The following GATA3 variants were observed in gnomAD, a reference collection of about 807,000 sequenced individuals.
The protein encoded by GATA3 is trans-acting T-cell-specific transcription factor GATA-3.
GATA3 carries 6 observed loss-of-function variants against 36.0 expected under a neutral mutation model. The observed-to-expected ratio is 0.17, with a 90% CI of 0.09 to 0.33. The LOEUF (loss-of-function observed/expected upper bound fraction) is 0.33, where lower values mean the gene tolerates loss of function less well. Among genes scored for constraint, GATA3 ranks in the 10% least tolerant of loss-of-function variants. GATA3 has a pLI of 1.00. For synonymous variants in GATA3, 326 were observed against 273.0 expected (o/e 1.19, Z -1.92); for missense variants, 514 against 610.1 (o/e 0.84, Z 1.66).
rs991151861 is a variant in GATA3, at chr10:8,055,367, T to C, written c.-289T>C. ...CCTGGCTCGCAGAATTGCAGAGTCGTCGCCCCTTTTTACAACCTGGTCCCG... is the reference window on the plus strand; with the variant it reads ...CCTGGCTCGCAGAATTGCAGAGTCGCCGCCCCTTTTTACAACCTGGTCCCG... On this transcript the variant is annotated 5_prime_UTR_variant, in exon 2 of 6. Coordinates refer to ENST00000379328, the MANE Select transcript of GATA3 (RefSeq NM_001002295.2). This position sits in a 1 kb window ranked among gnomAD's most constrained non-coding sequence, Gnocchi z 5.4. 8.3e-5 allele frequency: 43 copies of C among 518,830 alleles called. No homozygotes were observed. The highest frequency in any genetic ancestry group is 7.9e-4 in the African/African-American group (40 of 50,604). 32.1% of individuals were successfully genotyped at this position (518,830 alleles called of 1,614,324 possible). A position where few individuals can be genotyped will look rare whatever the true frequency, so the allele number is the denominator to read the frequency against.
Position 8,058,660 on chromosome 10 carries a change from C to G in GATA3, c.597C>G (p.Ser199=). The change falls in exon 3 of 6, where the codon TCC becomes TCG. Residue 199 remains serine, a synonymous_variant. Transcript: ENST00000379328. The part of the protein sequence containing the change: ...PLPDSMKLES[S]HSRGSMTALG... ...CCGACAGCATGAAGCTGGAGTCGTCCCACTCCCGTGGCAGCATGACCGCCC... is the reference window on the plus strand; with the variant it reads ...CCGACAGCATGAAGCTGGAGTCGTCGCACTCCCGTGGCAGCATGACCGCCC... 1 of 1,613,202 alleles carries G rather than the reference C, an allele frequency of 6.2e-7. No individual in the cohort carries two copies. The highest frequency in any genetic ancestry group is 8.5e-7 in the Non-Finnish European group (1 of 1,179,968).
intron 3 of GATA3, among the ~76,000 whole-genome samples, chr10:8,061,118 A>C (rs1832741978): frequency 6.8e-6 from 1 of 146,768 alleles, no homozygotes; most frequent in African/African-American, 2.5e-5. Context: ...TCTTCTTTGC[A>C]AATGCATTTG....
In GATA3 at chr10:8,074,163, C is replaced by T; in HGVS notation, c.*140C>T. On this transcript the variant is annotated 3_prime_UTR_variant, in exon 6 of 6. Transcript: ENST00000379328. ...AGGCAGAAAGCAAAATTATGTTTGCCACTTTGCAAAGGAGCTCACTGTGGT... is the reference window on the plus strand; with the variant it reads ...AGGCAGAAAGCAAAATTATGTTTGCTACTTTGCAAAGGAGCTCACTGTGGT... 1.0e-6 allele frequency: 1 copy of T among 972,576 alleles called. No homozygotes were observed. Among genetic ancestry groups the T allele is most frequent in the Non-Finnish European group, 1.5e-6 (1 of 670,192 alleles). The allele number at this position is 972,576 out of a possible 1,614,324, so 60.2% of individuals were successfully genotyped here.
rs2131488310 is a variant in GATA3, at chr10:8,058,356, A to G, written c.293A>G (p.Asp98Gly). ...PLLHGSLPWL[D>G]GGKALGSHHT... ...CTTCATGGATCCCTACCCTGGCTGG[A>G]CGGCGGCAAAGCCCTGGGCAGCCAC... Residue 98 changes from aspartate (D) to glycine (G), a missense_variant, in exon 3 of 6, where the codon GAC becomes GGC. By Grantham distance (94) the Asp-to-Gly change is moderately conservative (BLOSUM62 -1). Coordinates refer to ENST00000379328, the MANE Select transcript of GATA3 (RefSeq NM_001002295.2). 2 of 1,613,114 alleles carry G rather than the reference A, an allele frequency of 1.2e-6. No individual in the cohort carries two copies. The highest frequency in any genetic ancestry group is 1.7e-6 in the Non-Finnish European group (2 of 1,179,998).
intron 3 of GATA3, among the ~76,000 whole-genome samples, chr10:8,059,510 G>T (rs1785129576): frequency 6.6e-6 from 1 of 152,202 alleles, no homozygotes; most frequent in Non-Finnish European, 1.5e-5. Flanking sequence ...GTTACCTGCA[G>T]CGTCTCCTAG....
At chr10:8,064,305 C>T (rs1335793565) in intron 4 of GATA3, among the ~76,000 whole-genome samples, 167 bp downstream of exon 4, 21 of 87,906 alleles carry the variant, frequency 2.4e-4, no homozygotes, top group South Asian at 5.0e-4. Flanking sequence ...TTCTTTTCTT[C>T]TTCTTCTTTT....
chr10:8,067,576 T>G (rs1299033988), intron 4 of GATA3, among the ~76,000 whole-genome samples: 1 of 152,148 alleles, frequency 6.6e-6, no homozygotes, highest in African/African-American at 2.4e-5. Context: ...CCCAGCACTT[T>G]GGGAGGCCAA....
chr10:8,066,568 T>C (rs1307651693), intron 4 of GATA3, among the ~76,000 whole-genome samples: 1 of 152,168 alleles, frequency 6.6e-6, no homozygotes, highest in Non-Finnish European at 1.5e-5. Context: ...TTTTGTTTGA[T>C]ACATTTGCAG....
chr10:8,059,455 G>A (rs3781095), intron 3 of GATA3, among the ~76,000 whole-genome samples: 1 of 152,188 alleles, frequency 6.6e-6, no homozygotes, highest in Non-Finnish European at 1.5e-5. Flanking sequence ...CTTTGCATTG[G>A]GGAAGCAGAG....
upstream of GATA3, among the ~76,000 whole-genome samples, chr10:8,049,271 C>G (rs1832432178): frequency 6.6e-6 from 1 of 152,202 alleles, no homozygotes; most frequent in African/African-American, 2.4e-5. Flanking sequence ...TGGACGCACC[C>G]GCCTCCATCA....
intron 4 of GATA3, among the ~76,000 whole-genome samples, chr10:8,068,975 G>A (rs2280015): frequency 0.2 from 30,567 of 152,154 alleles, 3,156 homozygotes; most frequent in East Asian, 0.26. Flanking sequence ...TTGGCTTTGC[G>A]CCTCCTTTGC....
chr10:8,067,655 TAA>T lies in GATA3; in HGVS notation c.925-1814_925-1813del, dbSNP rs1341747255. Among the ~76,000 whole-genome samples the T allele has an allele frequency of 2.6e-5, 4 of 151,762 alleles. No homozygotes were observed. The East Asian group carries it at 7.8e-4, about 30-fold the overall frequency. On this transcript the variant is annotated intron_variant, in intron 4 of 5. Transcript: ENST00000379328. ...AACACAGGTGAAACCCCGTCTCTAC[TAA>T]AAATACAAAAAATTAGCTGGGGCGG...
chr10:8,056,245 C>T lies in GATA3; in HGVS notation c.241+349C>T, dbSNP rs1215989086. The stretch of plus-strand genomic sequence containing the variant: ...CAAGCGCGGGGTGCCCTGGCTCTGC[C>T]TCCGCGGGTCCGGGCTCTCTGGGCC... On this transcript the variant is annotated intron_variant, in intron 2 of 5. Coordinates refer to ENST00000379328, the MANE Select transcript of GATA3 (RefSeq NM_001002295.2). 5.3e-5 allele frequency among the ~76,000 whole-genome samples: 8 copies of T among 152,134 alleles called. No homozygotes were observed. In the East Asian group the frequency reaches 1.6e-3, roughly 30 times the overall value.
chr10:8,070,593 G>T (rs1832915763), intron 5 of GATA3, among the ~76,000 whole-genome samples: 1 of 152,174 alleles, frequency 6.6e-6, no homozygotes, highest in Non-Finnish European at 1.5e-5. Context: ...GGAGGAGACA[G>T]GGACTTTTGC....
chr10:8,057,349 G>A (rs1270913320), intron 2 of GATA3, among the ~76,000 whole-genome samples: 1 of 152,188 alleles, frequency 6.6e-6, no homozygotes, highest in African/African-American at 2.4e-5. Context: ...GAGTGTATGA[G>A]TTACAGCTAC....
upstream of GATA3, chr10:8,050,816 C>T (rs1832466111): frequency 2.5e-6 from 1 of 396,876 alleles, no homozygotes; most frequent in African/African-American, 2.2e-5. Context: ...AATGACCGCC[C>T]CGGGCGGCCC....
rs1156546802 is a variant in GATA3, at chr10:8,074,222, CTG to C, written c.*202_*203del. On this transcript the variant is annotated 3_prime_UTR_variant, in exon 6 of 6. Transcript: ENST00000379328. ...TCCAACCACTGAATCTGGACCCCAT[CTG>C]TGAATAAGCCATTCTGACTCATATC... The C allele has an allele frequency of 2.9e-5, 18 of 619,106 alleles. No individual in the cohort carries two copies. Among genetic ancestry groups the C allele is most frequent in the Non-Finnish European group, 4.5e-5 (16 of 358,102 alleles). 38.4% of individuals were successfully genotyped at this position (619,106 alleles called of 1,614,324 possible). A position where few individuals can be genotyped will look rare whatever the true frequency, so the allele number is the denominator to read the frequency against.
At position 8,055,238 on chromosome 10, in the gene GATA3, C is replaced by T. The variant is rs1832606005; in HGVS notation, c.-369-49C>T. 2 of 301,304 alleles carry T rather than the reference C, an allele frequency of 6.6e-6. No individual in the cohort carries two copies. Among genetic ancestry groups the T allele is most frequent in the African/African-American group, 2.2e-5 (1 of 45,466 alleles). 18.7% of individuals were successfully genotyped at this position (301,304 alleles called of 1,614,324 possible). A position where few individuals can be genotyped will look rare whatever the true frequency, so the allele number is the denominator to read the frequency against. On this transcript the variant is annotated intron_variant, in intron 1 of 5. Coordinates refer to ENST00000379328, the MANE Select transcript of GATA3 (RefSeq NM_001002295.2). The surrounding 1 kb of genome is among the most constrained non-coding windows in gnomAD (Gnocchi z 5.4). ...GGCGGCGCGAGGGGAGGTTGTGCCA[C>T]TCCAGCAACTCAGGGGCTCATCCAG...
At chr10:8,049,986 C>G (rs930266046), upstream of GATA3, among the ~76,000 whole-genome samples, 1 of 152,162 alleles carries the variant, frequency 6.6e-6, no homozygotes, top group African/African-American at 2.4e-5. Flanking sequence ...AAAGGCGCGG[C>G]GGTCCCGCGG....
Sources: gnomAD v4.1 joint callset for allele counts (sites outside exome capture counted in the v4.1 genomes callset) on GRCh38, gnomAD v4.1.1 for gene constraint, Gnocchi (gnomAD v3.1) non-coding constraint, MANE v1.5 for transcripts, NCBI Gene and HGNC (gene_info 2026-07-23, HGNC 2026-07-21) for gene names.